The following TMEM14A variants were observed in gnomAD, a reference collection of about 807,000 sequenced individuals.
The protein encoded by TMEM14A is transmembrane protein 14A.
A neutral mutation model predicts 11.6 loss-of-function variants in TMEM14A; 8 were observed. That is an observed-to-expected ratio of 0.69 (90% CI 0.40 to 1.24). The LOEUF is 1.24. TMEM14A is among the 50% of genes most tolerant of loss of function. TMEM14A has a pLI of 0.01. For synonymous variants in TMEM14A, 34 were observed against 45.5 expected (o/e 0.75, Z 1.02); for missense variants, 108 against 121.9 (o/e 0.89, Z 0.54).
At chr6:52,680,999 A>G (rs1257983782) in intron 2 of TMEM14A, among the ~76,000 whole-genome samples, 2 of 151,504 alleles carry the variant, frequency 1.3e-5, no homozygotes, top group Non-Finnish European at 2.9e-5. Context: ...TGAATTTCCA[A>G]TGGATATTTT....
At chr6:52,677,449 A>G (rs550043940) in intron 2 of TMEM14A, among the ~76,000 whole-genome samples, 68 of 150,564 alleles carry the variant, frequency 4.5e-4, no homozygotes, top group Non-Finnish European at 4.0e-4. Flanking sequence ...AATCTCCCTC[A>G]GGACCACTGC....
Position 52,680,593 on chromosome 6 carries a change from T to TACA in TMEM14A, c.71-1220_71-1219insACA, listed in dbSNP as rs1561874928. 7.3e-5 allele frequency among the ~76,000 whole-genome samples: 7 copies of TACA among 96,524 alleles called. No homozygotes were observed. The East Asian group carries it at 1.0e-3, about 14-fold the overall frequency. The allele number at this position is 96,524 out of a possible 152,430, so 63.3% of individuals were successfully genotyped here. The stretch of plus-strand genomic sequence containing the variant: ...TCTAAGCCACTATATATTTATATAT[T>TACA]TATATATATATATATATATGTATAT... On this transcript the variant is annotated intron_variant, in intron 2 of 4. Transcript: ENST00000211314.
Position 52,684,101 on chromosome 6 carries a change from A to C in TMEM14A, c.196A>C (p.Ile66Leu), listed in dbSNP as rs1171390243. The change falls in exon 4 of 5, where the codon ATA becomes CTA. Residue 66 changes from isoleucine to leucine, a missense_variant. Transcript: ENST00000211314. ...AGTTACAGCTTTCTTCCTGGCTACC[A>C]TAATGGGTGTGAGATTTAAGAGGTC... ...SLFTAFFLAT[I>L]MGVRFKRSKK... The C allele has an allele frequency of 6.2e-7, 1 of 1,613,906 alleles. No homozygotes were observed. The highest frequency in any genetic ancestry group is 1.1e-5 in the South Asian group (1 of 91,036).
chr6:52,678,779 A>T (rs1769309828), intron 2 of TMEM14A, among the ~76,000 whole-genome samples: 1 of 152,224 alleles, frequency 6.6e-6, no homozygotes, highest in Admixed American at 6.5e-5. Flanking sequence ...GGCATAGAAT[A>T]AAGTTTTAAT....
rs1308792046 is a variant in TMEM14A at position 52,686,078 on chromosome 6, A to G, written c.*29A>G. 24 of 1,603,884 alleles carry G rather than the reference A, an allele frequency of 1.5e-5. No homozygotes were observed. Among genetic ancestry groups the G allele is most frequent in the Non-Finnish European group, 2.0e-5 (23 of 1,174,826 alleles). ...TCTGGAGGAACAGAAAACTAAGTTC[A>G]TGTCATCCTGCTGTAATGGGCAGAG... On this transcript the variant is annotated 3_prime_UTR_variant, in exon 5 of 5. Coordinates refer to ENST00000211314, the MANE Select transcript of TMEM14A (RefSeq NM_014051.4).
rs1436328374 is a variant in TMEM14A, at chr6:52,686,034, C to T, written c.285C>T (p.Val95=). 4 of 1,611,748 alleles carry T rather than the reference C, an allele frequency of 2.5e-6. No individual in the cohort carries two copies. In the African/African-American group the frequency reaches 5.3e-5, roughly 22 times the overall value. ...GCCTCATGATGATCCTGAGACTTGT[C>T]TTGTTGCTGCTCTGAGCATCTGGAG... The part of the protein sequence containing the change: ...GLSLMMILRL[V]LLLL The change falls in exon 5 of 5, where the codon GTC becomes GTT. Residue 95 remains valine (V), a synonymous_variant. Transcript: ENST00000211314.
intron 1 of TMEM14A, among the ~76,000 whole-genome samples, chr6:52,674,540 A>G (rs538688284): frequency 1.3e-5 from 2 of 152,340 alleles, no homozygotes; most frequent in South Asian, 2.1e-4. Flanking sequence ...TCATGATTAC[A>G]TGAGTTGATA....
rs141364568 is a variant in TMEM14A at position 52,681,875 on chromosome 6, C to T, written c.133C>T (p.Arg45Cys). The stretch of plus-strand genomic sequence containing the variant: ...ATGTTTGGCCGGCTATGGAGCTTAC[C>T]GTGTCTCCAATGACAAACGAGATGT... The part of the protein sequence containing the change: ...VGCLAGYGAY[R>C]VSNDKRDVKV... The change falls in exon 3 of 5, where the codon CGT becomes TGT. Residue 45 changes from arginine to cysteine, a missense_variant. By Grantham distance (180) the Arg-to-Cys change is radical (BLOSUM62 -3). Transcript: ENST00000211314. 1.9e-5 allele frequency: 31 copies of T among 1,614,002 alleles called. No homozygotes were observed. The African/African-American group carries it at 2.5e-4, about 13-fold the overall frequency.
intron 2 of TMEM14A, among the ~76,000 whole-genome samples, chr6:52,677,534 G>C (rs952454588): frequency 2.0e-5 from 3 of 150,398 alleles, no homozygotes; most frequent in African/African-American, 7.3e-5. Context: ...TATTGATCCT[G>C]TGTGTTGTAA....
intron 2 of TMEM14A, among the ~76,000 whole-genome samples, chr6:52,677,937 C>T (rs992480264): frequency 3.3e-5 from 5 of 152,120 alleles, no homozygotes; most frequent in African/African-American, 9.7e-5. Flanking sequence ...CCAGAAGCAC[C>T]GTATAGCTCT....
intron 1 of TMEM14A, among the ~76,000 whole-genome samples, chr6:52,673,194 C>T (rs74601890): frequency 0.055 from 8,334 of 152,186 alleles, 341 homozygotes; most frequent in South Asian, 0.18. Context: ...TTAGAATGAC[C>T]CTGTGTGGCA....
chr6:52,680,692 T>TGTATATATATATAG (rs1491306079), intron 2 of TMEM14A, among the ~76,000 whole-genome samples: 1 of 50,276 alleles, frequency 2.0e-5, no homozygotes, highest in Non-Finnish European at 4.9e-5. Flanking sequence ...TACATATATG[T>TGTATATATATATAG]ATATATATAT....
At chr6:52,671,367 G>A (rs564481563) in intron 1 of TMEM14A, 122 bp downstream of exon 1, 1 of 152,216 alleles carries the variant, frequency 6.6e-6, no homozygotes. Flanking sequence ...TACAGCAAAC[G>A]ATGATGCAGA....
intron 1 of TMEM14A, among the ~76,000 whole-genome samples, chr6:52,676,842 T>C (rs931087734): frequency 1.3e-5 from 2 of 151,996 alleles, no homozygotes; most frequent in African/African-American, 4.8e-5. Context: ...CTTTCAAACA[T>C]CCAGATCTTG....
chr6:52,676,251 T>C (rs1421477692), intron 1 of TMEM14A, among the ~76,000 whole-genome samples: 1 of 151,990 alleles, frequency 6.6e-6, no homozygotes, highest in Non-Finnish European at 1.5e-5. Context: ...GAGGTGAAGT[T>C]TGAACCTCTT....
intron 4 of TMEM14A, among the ~76,000 whole-genome samples, chr6:52,685,480 G>A (rs1046606132): frequency 1.3e-5 from 2 of 152,122 alleles, no homozygotes; most frequent in Non-Finnish European, 2.9e-5. Context: ...AGCTACTTGG[G>A]AGGCTGAGGC....
chr6:52,680,166 T>C (rs1439493512), intron 2 of TMEM14A, among the ~76,000 whole-genome samples: 1 of 151,886 alleles, frequency 6.6e-6, no homozygotes, highest in Non-Finnish European at 1.5e-5. Flanking sequence ...ATTCAATCCA[T>C]GAACAGCATA....
At chr6:52,680,862 T>C (rs1338988851) in intron 2 of TMEM14A, among the ~76,000 whole-genome samples, 1 of 147,910 alleles carries the variant, frequency 6.8e-6, no homozygotes, top group Non-Finnish European at 1.5e-5. Flanking sequence ...TGCTCTGGTG[T>C]GTGTGTGTGT....
intron 1 of TMEM14A, among the ~76,000 whole-genome samples, chr6:52,674,275 T>G (rs1016147678): frequency 6.6e-6 from 1 of 152,242 alleles, no homozygotes; most frequent in Admixed American, 6.5e-5. Flanking sequence ...GTCACAACTT[T>G]AAGCTATGAA....
Sources: gnomAD v4.1 joint callset for allele counts (sites outside exome capture counted in the v4.1 genomes callset) on GRCh38, gnomAD v4.1.1 for gene constraint, MANE v1.5 for transcripts, NCBI Gene and HGNC (gene_info 2026-07-23, HGNC 2026-07-21) for gene names.